RSPH14: variants seen among roughly 807,000 people sequenced by gnomAD.
RSPH14 encodes radial spoke head 14 homolog, also known as rhabdoid tumor deletion region gene 1.
A neutral mutation model predicts 26.7 loss-of-function variants in RSPH14; 20 were observed. That is an observed-to-expected ratio of 0.75 (90% CI 0.53 to 1.09). RSPH14 has a LOEUF of 1.09. Among genes scored for constraint, RSPH14 ranks in the 50% least tolerant of loss-of-function variants. The pLI, the probability that RSPH14 is intolerant of heterozygous loss-of-function variation, is 0.00. For synonymous variants in RSPH14, 177 were observed against 189.3 expected (o/e 0.93, Z 0.53); for missense variants, 449 against 457.2 (o/e 0.98, Z 0.16).
intron 4 of RSPH14, among the ~76,000 whole-genome samples, chr22:23,130,694 A>T (rs1167146633): frequency 2.0e-5 from 3 of 152,136 alleles, no homozygotes; most frequent in African/African-American, 7.2e-5. Flanking sequence ...CAAATCAATA[A>T]GAAATGGAAA....
the RSPH14 span, among the ~76,000 whole-genome samples, chr22:23,155,313 G>A: frequency 2.4e-4 from 37 of 152,300 alleles, no homozygotes; most frequent in East Asian, 6.4e-3. Flanking sequence ...GATCTCAGTA[G>A]GTGCTCTTTC....
the RSPH14 span, chr22:23,156,230 C>T: frequency 3.6e-6 from 2 of 548,650 alleles, no homozygotes; most frequent in Admixed American, 3.4e-5. Flanking sequence ...GGCGATCACA[C>T]CCTTTAAGGA....
At chr22:23,145,075 T>G, upstream of RSPH14, 3 of 488,232 alleles carry the variant, frequency 6.1e-6, no homozygotes, top group Non-Finnish European at 1.1e-5. Flanking sequence ...AGGTCTATCT[T>G]CTGCAGCTGC....
intron 6 of RSPH14, among the ~76,000 whole-genome samples, chr22:23,060,285 C>T (rs924630421): frequency 1.3e-5 from 2 of 152,040 alleles, no homozygotes; most frequent in African/African-American, 4.8e-5. Context: ...TCCTGGCTAA[C>T]ACAGTGAAAC....
chr22:23,115,706 G>A (rs990441876), intron 4 of RSPH14, among the ~76,000 whole-genome samples: 3 of 152,188 alleles, frequency 2.0e-5, no homozygotes, highest in African/African-American at 7.2e-5. Flanking sequence ...CAAATGGAGG[G>A]GCCCCACCTG....
Position 23,134,147 on chromosome 22 carries a change from A to G in RSPH14, c.303-3T>C, listed in dbSNP as rs1045278169. The G allele has an allele frequency of 4.4e-6, 7 of 1,598,212 alleles. No individual in the cohort carries two copies. The highest frequency in any genetic ancestry group is 3.4e-5 in the Admixed American group (2 of 59,600). ...TGTCGTGCTCTAGAAAGGCGTATCTAGGGAAGGGAGGGTGGACAGTGACAT... is the reference window on the plus strand; with the variant it reads ...TGTCGTGCTCTAGAAAGGCGTATCTGGGGAAGGGAGGGTGGACAGTGACAT... On this transcript the variant is annotated splice_polypyrimidine_tract_variant and splice_region_variant and intron_variant, in intron 3 of 6. Transcript: ENST00000216036.
In RSPH14 at chr22:23,071,578, G is replaced by T. The variant is rs142232527; in HGVS notation, c.422-7445C>A. Among the ~76,000 whole-genome samples, 335 of 152,320 alleles carry T rather than the reference G, an allele frequency of 2.2e-3. 2 individuals are homozygous for T. Among genetic ancestry groups the T allele is most frequent in the African/African-American group, 7.7e-3 (320 of 41,574 alleles). ...CAATTAAGCAAATATTTATTGAGTG[G>T]TCACTCCCCCAGAGCTTGACGCTGG... On this transcript the variant is annotated intron_variant, in intron 4 of 6. Transcript: ENST00000216036. This position sits in a 1 kb window ranked among gnomAD's most constrained non-coding sequence, Gnocchi z 4.1.
the RSPH14 span, chr22:23,162,245 G>T: frequency 2.8e-5 from 6 of 215,786 alleles, no homozygotes; most frequent in Non-Finnish European, 3.7e-5. Context: ...GAGATCCCTA[G>T]GTCCTGCCCT....
intron 4 of RSPH14, among the ~76,000 whole-genome samples, chr22:23,128,180 A>G (rs1193217811): frequency 6.6e-6 from 1 of 152,088 alleles, no homozygotes; most frequent in Non-Finnish European, 1.5e-5. Flanking sequence ...TGCACCCCAA[A>G]ATCTGGTTAG....
intron 3 of RSPH14, among the ~76,000 whole-genome samples, chr22:23,134,877 A>G (rs560279017): frequency 6.6e-6 from 1 of 152,228 alleles, no homozygotes; most frequent in East Asian, 1.9e-4. Flanking sequence ...AAGACAAAAA[A>G]AAGAGATGAT....
At chr22:23,156,295 G>T in the RSPH14 span, 6 of 385,280 alleles carry the variant, frequency 1.6e-5, no homozygotes, top group African/African-American at 2.2e-5. Context: ...AGCTCATAAA[G>T]ATGCTCAGAG....
chr22:23,072,169 C>G (rs555130914), intron 4 of RSPH14, among the ~76,000 whole-genome samples: 2 of 152,270 alleles, frequency 1.3e-5, no homozygotes, highest in South Asian at 2.1e-4. Flanking sequence ...GGGTAACCAC[C>G]CAGGCAACCC....
At chr22:23,145,553 T>C, upstream of RSPH14, 5 of 1,599,436 alleles carry the variant, frequency 3.1e-6, no homozygotes, top group Non-Finnish European at 4.2e-6. Context: ...CCATCGCTGG[T>C]GAGTCAGCTC....
the RSPH14 span, chr22:23,157,964 T>G: frequency 6.2e-7 from 1 of 1,614,096 alleles, no homozygotes; most frequent in Non-Finnish European, 8.5e-7. Context: ...TGGCACTGAT[T>G]GGCTGTTGGC....
chr22:23,065,054 T>C (rs1219056053), intron 4 of RSPH14, among the ~76,000 whole-genome samples: 1 of 152,124 alleles, frequency 6.6e-6, no homozygotes, highest in Non-Finnish European at 1.5e-5. Context: ...TGCAAAGCCA[T>C]CTACAGCCCC....
In RSPH14 at chr22:23,091,532, C is replaced by T. The variant is rs556676753; in HGVS notation, c.422-27399G>A. Among the ~76,000 whole-genome samples the T allele has an allele frequency of 3.3e-5, 5 of 150,548 alleles. No individual in the cohort carries two copies. In the South Asian group the frequency reaches 8.5e-4, roughly 26 times the overall value. ...TACATGCACACACACCGCAATAGAC[C>T]TACACACACACAGGGAGCTATGCAT... is the stretch of plus-strand genomic sequence containing the variant. On this transcript the variant is annotated intron_variant, in intron 4 of 6. Transcript: ENST00000216036.
At chr22:23,082,428 T>C (rs1008255539) in intron 4 of RSPH14, among the ~76,000 whole-genome samples, 13 of 151,112 alleles carry the variant, frequency 8.6e-5, no homozygotes, top group Non-Finnish European at 1.8e-4. Context: ...TTCACCATGT[T>C]GGCCAGGCTG....
At chr22:23,157,966 G>A in the RSPH14 span, 1 of 1,614,082 alleles carries the variant, frequency 6.2e-7, no homozygotes, top group South Asian at 1.1e-5. Context: ...GCACTGATTG[G>A]CTGTTGGCTT....
intron 3 of RSPH14, among the ~76,000 whole-genome samples, chr22:23,138,579 A>AAG (rs995339730): frequency 1.3e-4 from 19 of 150,950 alleles, no homozygotes; most frequent in East Asian, 7.8e-4. Context: ...AAAGAAAAGA[A>AAG]AGAGAGAGAG....
Sources: gnomAD v4.1 joint callset for allele counts (sites outside exome capture counted in the v4.1 genomes callset) on GRCh38, gnomAD v4.1.1 for gene constraint, Gnocchi (gnomAD v3.1) non-coding constraint, MANE v1.5 for transcripts, NCBI Gene and HGNC (gene_info 2026-07-23, HGNC 2026-07-21) for gene names.